RGL1: variants seen among roughly 807,000 people sequenced by gnomAD.
The protein encoded by RGL1 is ral guanine nucleotide dissociation stimulator like 1.
RGL1 carries 24 observed loss-of-function variants against 95.2 expected under a neutral mutation model. That is an observed-to-expected ratio of 0.25 (90% CI 0.18 to 0.35). The LOEUF is 0.35. Among genes scored for constraint, RGL1 ranks in the 10% least tolerant of loss-of-function variants. RGL1 has a pLI of 1.00. For synonymous variants in RGL1, 329 were observed against 344.9 expected, an observed-to-expected ratio of 0.95 and a Z score of 0.51; for missense variants, 715 against 936.3, an observed-to-expected ratio of 0.76 and a Z score of 3.08.
chr1:183,752,633 C>CTTT (rs71130635), intron 2 of RGL1, among the ~76,000 whole-genome samples: 1 of 146,532 alleles, frequency 6.8e-6, no homozygotes, highest in South Asian at 2.1e-4. Context: ...TTCCTTTGTA[C>CTTT]TTATTCTGAG....
At chr1:183,802,312 C>T (rs931433206), upstream of RGL1, among the ~76,000 whole-genome samples, 15 of 152,048 alleles carry the variant, frequency 9.9e-5, no homozygotes, top group Non-Finnish European at 1.6e-4. Context: ...GTCTTTATGC[C>T]GGTACCATAA....
chr1:183,704,478 C>T (rs1435325120), intron 1 of RGL1, among the ~76,000 whole-genome samples: 1 of 152,072 alleles, frequency 6.6e-6, no homozygotes, highest in African/African-American at 2.4e-5. Flanking sequence ...TGGGGGGTGA[C>T]ACTATAAAAT....
chr1:183,641,561 C>A (rs149988897), intron 1 of RGL1, among the ~76,000 whole-genome samples: 1 of 152,186 alleles, frequency 6.6e-6, no homozygotes. Context: ...TGAGCCCCCC[C>A]CACCATACCT....
At chr1:183,804,731 A>C (rs1661173827), upstream of RGL1, among the ~76,000 whole-genome samples, 1 of 152,094 alleles carries the variant, frequency 6.6e-6, no homozygotes, top group African/African-American at 2.4e-5. Context: ...CCTAATGAAA[A>C]ACTTCCTGGC....
At chr1:183,875,161 G>A (rs867008201) in intron 4 of RGL1, among the ~76,000 whole-genome samples, 41 of 152,278 alleles carry the variant, frequency 2.7e-4, no homozygotes, top group African/African-American at 9.4e-4. Flanking sequence ...TGATGATTAA[G>A]TACAAAAAAT....
At chr1:183,648,547 C>A (rs1195436264) in intron 1 of RGL1, 1 of 1,614,000 alleles carries the variant, frequency 6.2e-7, no homozygotes, top group Non-Finnish European at 8.5e-7. Context: ...CCCTTTTGCA[C>A]CAGGCTACCA....
intron 2 of RGL1, among the ~76,000 whole-genome samples, chr1:183,753,988 T>A (rs2102290009): frequency 6.6e-6 from 1 of 151,964 alleles, no homozygotes; most frequent in South Asian, 2.1e-4. Flanking sequence ...GGAAATTTTC[T>A]CCAGAGAGAA....
intron 2 of RGL1, among the ~76,000 whole-genome samples, chr1:183,824,849 G>A (rs568214004): frequency 1.3e-5 from 2 of 151,310 alleles, no homozygotes; most frequent in South Asian, 2.1e-4. Context: ...ATATAATAAT[G>A]CTTTCCTAAT....
chr1:183,674,298 C>A (rs757594179), intron 1 of RGL1, among the ~76,000 whole-genome samples: 1 of 151,950 alleles, frequency 6.6e-6, no homozygotes, highest in Non-Finnish European at 1.5e-5. Context: ...AACATTTGTA[C>A]CTATAGTATT....
chr1:183,637,385 G>A (rs1056232507), intron 1 of RGL1, among the ~76,000 whole-genome samples: 5 of 152,100 alleles, frequency 3.3e-5, no homozygotes, highest in African/African-American at 1.2e-4. Flanking sequence ...GAAGGGACTC[G>A]ATACATGCTT....
chr1:183,754,993 T>TTTTG (rs3832025), intron 2 of RGL1: 66,488 of 151,200 alleles, frequency 0.44, 15,518 homozygotes, highest in East Asian at 0.75. Context: ...TTTATCAAGT[T>TTTTG]TTTGTTTGTT....
At chr1:183,763,425 G>T (rs1314444573) in intron 2 of RGL1, among the ~76,000 whole-genome samples, 2 of 152,108 alleles carry the variant, frequency 1.3e-5, no homozygotes, top group East Asian at 3.8e-4. Context: ...GTGCTATAAA[G>T]TGAAGCACAA....
chr1:183,771,026 G>A (rs1228604764), intron 2 of RGL1, among the ~76,000 whole-genome samples: 1 of 152,106 alleles, frequency 6.6e-6, no homozygotes, highest in East Asian at 1.9e-4. Flanking sequence ...CAAGTGGAAG[G>A]CTGGGTTATA....
intron 17 of RGL1, among the ~76,000 whole-genome samples, chr1:183,924,434 T>A (rs1572612519): frequency 6.6e-6 from 1 of 151,778 alleles, no homozygotes; most frequent in Non-Finnish European, 1.5e-5. Context: ...TGAGAACACA[T>A]GGACACAGGG....
At chr1:183,650,494 C>G (rs1044307111) in intron 1 of RGL1, among the ~76,000 whole-genome samples, 10 of 152,094 alleles carry the variant, frequency 6.6e-5, no homozygotes, top group South Asian at 2.1e-4. Context: ...AGTGAGCCAA[C>G]ATCCCACCAC....
chr1:183,895,046 G>C (rs1667611376), intron 9 of RGL1, among the ~76,000 whole-genome samples: 1 of 152,170 alleles, frequency 6.6e-6, no homozygotes, highest in Non-Finnish European at 1.5e-5. Flanking sequence ...TTCTTGGTAA[G>C]AATTTTTTCG....
rs532451647 is a variant in RGL1 at position 183,840,074 on chromosome 1, G to C, written c.139-7492G>C. Among the ~76,000 whole-genome samples the C allele has an allele frequency of 2.2e-4, 33 of 152,266 alleles. No homozygotes were observed. The South Asian group carries it at 5.0e-3, about 23-fold the overall frequency. Reference sequence around the variant, plus strand: ...GTATGATCTAATGGTAATAGACTAAGGGGGAACCCAGCAAGGCCTGTCTGT... The same window carrying C: ...GTATGATCTAATGGTAATAGACTAACGGGGAACCCAGCAAGGCCTGTCTGT... On this transcript the variant is annotated intron_variant, in intron 2 of 17. Transcript: ENST00000360851.
chr1:183,669,746 A>G (rs1037720659), intron 1 of RGL1, among the ~76,000 whole-genome samples: 27 of 152,220 alleles, frequency 1.8e-4, no homozygotes, highest in African/African-American at 6.0e-4. Flanking sequence ...AAGAGGTTTA[A>G]TGCACTCACA....
At position 183,681,042 on chromosome 1, in the gene RGL1, T is replaced by C. The variant is rs151167522; in HGVS notation, c.-33+44541T>C. On this transcript the variant is annotated intron_variant, in intron 1 of 18. Coordinates refer to the RGL1 transcript ENST00000304685. ...TTGATTTTGTATCCTGAGACTTTGCTGAAACTGTTTATCAGCTTAAGGAGA... is the reference window on the plus strand; with the variant it reads ...TTGATTTTGTATCCTGAGACTTTGCCGAAACTGTTTATCAGCTTAAGGAGA... 8.5e-3 allele frequency among the ~76,000 whole-genome samples: 1,293 copies of C among 152,354 alleles called. 23 individuals are homozygous for C. The highest frequency in any genetic ancestry group is 0.029 in the African/African-American group (1,200 of 41,582).
Sources: gnomAD v4.1 joint callset for allele counts (sites outside exome capture counted in the v4.1 genomes callset) on GRCh38, gnomAD v4.1.1 for gene constraint, MANE v1.5 for transcripts, NCBI Gene and HGNC (gene_info 2026-07-23, HGNC 2026-07-21) for gene names.